AGTPBP1: variants seen among roughly 807,000 people sequenced by gnomAD.
AGTPBP1 encodes the protein cytosolic carboxypeptidase 1.
AGTPBP1 carries 70 observed loss-of-function variants against 143.9 expected under a neutral mutation model. The observed-to-expected ratio is 0.49, with a 90% CI of 0.40 to 0.59. The LOEUF (loss-of-function observed/expected upper bound fraction) is 0.59. AGTPBP1 is among the 20% of genes least tolerant of loss of function. The pLI is 0.00. For missense variants in AGTPBP1, 1,229 were observed against 1,464.5 expected (o/e 0.84, Z 2.62); for synonymous variants, 463 against 500.2 (o/e 0.93, Z 0.99).
At chr9:85,651,046 G>A (rs1027461989) in intron 11 of AGTPBP1, among the ~76,000 whole-genome samples, 4 of 152,062 alleles carry the variant, frequency 2.6e-5, no homozygotes, top group African/African-American at 7.2e-5. Context: ...CCAGCTAGTC[G>A]GATTTTGTTT....
upstream of AGTPBP1, among the ~76,000 whole-genome samples, chr9:85,744,011 G>C (rs1210677815): frequency 6.8e-6 from 1 of 147,928 alleles, no homozygotes; most frequent in African/African-American, 2.5e-5. Flanking sequence ...CTGCAGCCTT[G>C]ACCTCCCAGG....
chr9:85,792,576 A>C, the AGTPBP1 span, among the ~76,000 whole-genome samples: 3 of 152,230 alleles, frequency 2.0e-5, no homozygotes, highest in Non-Finnish European at 4.4e-5. Context: ...CTGTAATTTT[A>C]TTAATAGAGT....
intron 2 of AGTPBP1, among the ~76,000 whole-genome samples, chr9:85,707,055 ATCAAG>A: frequency 6.6e-6 from 1 of 152,302 alleles, no homozygotes; most frequent in East Asian, 1.9e-4. Flanking sequence ...GCTGATACTA[ATCAAG>A]TCAACTATGG....
rs527426679 is a variant in AGTPBP1 at position 85,673,764 on chromosome 9, C to T, written c.437-1083G>A. Among the ~76,000 whole-genome samples the T allele has an allele frequency of 3.3e-5, 5 of 152,140 alleles. No individual in the cohort carries two copies. The South Asian group carries it at 1.0e-3, about 32-fold the overall frequency. ...GCCCAGACTTCCCCACTATACAATACTACATGTAAGAAATCTGCACTTGTA... is the reference window on the plus strand; with the variant it reads ...GCCCAGACTTCCCCACTATACAATATTACATGTAAGAAATCTGCACTTGTA... On this transcript the variant is annotated intron_variant, in intron 6 of 25. Transcript: ENST00000357081.
intron 8 of AGTPBP1, among the ~76,000 whole-genome samples, chr9:85,669,048 T>TG (rs1834323997): frequency 7.2e-6 from 1 of 139,498 alleles, no homozygotes; most frequent in South Asian, 2.4e-4. Flanking sequence ...CATCTCAGGA[T>TG]GGGGGAAAAA....
In AGTPBP1 at chr9:85,633,013, T is replaced by C. The variant is rs760368367; in HGVS notation, c.1664A>G (p.Lys555Arg). Reference sequence around the variant, plus strand: ...AGTAAGAGGAAGACTGCAGTCCTTCTTCATTTCTGCAGTAAAACCTGGGGC... The same window carrying C: ...AGTAAGAGGAAGACTGCAGTCCTTCCTCATTTCTGCAGTAAAACCTGGGGC... ...QTAPGFTAEM[K>R]KDCSLPLTVL... The change falls in exon 14 of 26, where the codon AAG becomes AGG. Residue 555 changes from lysine (K) to arginine (R), a missense_variant. Coordinates refer to ENST00000357081, the MANE Select transcript of AGTPBP1 (RefSeq NM_001330701.2). The C allele has an allele frequency of 6.2e-7, 1 of 1,614,152 alleles. No homozygotes were observed. Among genetic ancestry groups the C allele is most frequent in the Non-Finnish European group, 8.5e-7 (1 of 1,180,008 alleles).
chr9:85,767,646 T>C, the AGTPBP1 span, among the ~76,000 whole-genome samples: 6 of 151,736 alleles, frequency 4.0e-5, no homozygotes, highest in Non-Finnish European at 5.9e-5. Context: ...GCGCCCAGCC[T>C]AATTTTTGTA....
At chr9:85,689,944 A>ATCTATC (rs1554726706) in intron 3 of AGTPBP1, among the ~76,000 whole-genome samples, 11 of 137,712 alleles carry the variant, frequency 8.0e-5, no homozygotes, top group Admixed American at 1.5e-4. Flanking sequence ...ATATATATAT[A>ATCTATC]TATCTTAAAG....
At chr9:85,565,106 C>A (rs994663671) in intron 25 of AGTPBP1, among the ~76,000 whole-genome samples, 1 of 152,168 alleles carries the variant, frequency 6.6e-6, no homozygotes, top group African/African-American at 2.4e-5. Flanking sequence ...TATAAGCCAT[C>A]CAGCCTATTG....
At chr9:85,569,382 ATATAC>A (rs1313261942) in intron 25 of AGTPBP1, among the ~76,000 whole-genome samples, 2 of 152,076 alleles carry the variant, frequency 1.3e-5, no homozygotes, top group African/African-American at 4.8e-5. Context: ...AGCTGAATGA[ATATAC>A]TATATTATAT....
chr9:85,732,830 T>C lies in AGTPBP1; in HGVS notation c.-34+8945A>G, dbSNP rs1316952934. ...GTAACCAAAAGAGAGCAGGAAGGGC[T>C]ATACTAGTATCAGACAAAACAGACT... On this transcript the variant is annotated intron_variant, in intron 1 of 25. Transcript: ENST00000357081. Among the ~76,000 whole-genome samples the C allele has an allele frequency of 2.6e-5, 4 of 152,114 alleles. No homozygotes were observed. The East Asian group carries it at 7.7e-4, about 29-fold the overall frequency.
intron 3 of AGTPBP1, among the ~76,000 whole-genome samples, chr9:85,684,471 A>T (rs1278049741): frequency 6.6e-6 from 1 of 151,534 alleles, no homozygotes; most frequent in Non-Finnish European, 1.5e-5. Context: ...CTCTCAACCA[A>T]TAAATACACT....
chr9:85,638,610 C>T (rs1587800663), intron 13 of AGTPBP1, among the ~76,000 whole-genome samples: 2 of 151,746 alleles, frequency 1.3e-5, no homozygotes, highest in East Asian at 1.9e-4. Context: ...AAATACACAT[C>T]GAAGGATACT....
intron 18 of AGTPBP1, among the ~76,000 whole-genome samples, chr9:85,594,764 CT>C (rs1450110358): frequency 6.6e-6 from 1 of 152,080 alleles, no homozygotes; most frequent in East Asian, 1.9e-4. Flanking sequence ...ATATAAAAAT[CT>C]TTGCCATCAC....
At chr9:85,787,354 C>G in the AGTPBP1 span, among the ~76,000 whole-genome samples, 1 of 152,016 alleles carries the variant, frequency 6.6e-6, no homozygotes, top group South Asian at 2.1e-4. Context: ...TCTAACATTT[C>G]AAGAGAAAGA....
intron 1 of AGTPBP1, chr9:85,741,371 C>G (rs912846804): frequency 1.0e-6 from 1 of 985,194 alleles, no homozygotes; most frequent in African/African-American, 1.7e-5. Flanking sequence ...CGGGGCTGGG[C>G]GCGCCCGCCC....
chr9:85,598,393 T>A (rs1284506032), intron 17 of AGTPBP1, among the ~76,000 whole-genome samples: 4 of 152,208 alleles, frequency 2.6e-5, no homozygotes, highest in Admixed American at 2.6e-4. Context: ...CACATCTCCA[T>A]CTCGGGTTTC....
the AGTPBP1 span, among the ~76,000 whole-genome samples, chr9:85,800,825 G>GTA: frequency 2.6e-5 from 4 of 151,712 alleles, no homozygotes; most frequent in East Asian, 7.7e-4. Flanking sequence ...GTGTGTGTGT[G>GTA]TGTGTGTGTG....
chr9:85,656,646 C>T (rs1294196427), intron 10 of AGTPBP1, among the ~76,000 whole-genome samples: 1 of 151,994 alleles, frequency 6.6e-6, no homozygotes, highest in Non-Finnish European at 1.5e-5. Context: ...ATCCTCATTC[C>T]CCATGGCTGA....
Sources: gnomAD v4.1 joint callset for allele counts (sites outside exome capture counted in the v4.1 genomes callset) on GRCh38, gnomAD v4.1.1 for gene constraint, MANE v1.5 for transcripts, NCBI Gene and HGNC (gene_info 2026-07-23, HGNC 2026-07-21) for gene names.